UGGT2: variants seen among roughly 807,000 people sequenced by gnomAD.
UGGT2 encodes the protein UDP-glucose:glycoprotein glucosyltransferase 2.
In UGGT2, 180 loss-of-function variants were observed where a neutral mutation model predicts 192.1. The ratio of observed to expected loss-of-function variants is 0.94; its 90% CI spans 0.83 to 1.06. The LOEUF is 1.06. UGGT2 is among the 50% of genes least tolerant of loss of function. The pLI is 0.00. For synonymous variants in UGGT2, 580 were observed against 591.0 expected (o/e 0.98, Z 0.27); for missense variants, 1,849 against 1,795.7 (o/e 1.03, Z -0.54).
At chr13:95,935,485 A>C (rs914298284) in intron 17 of UGGT2, among the ~76,000 whole-genome samples, 1 of 152,192 alleles carries the variant, frequency 6.6e-6, no homozygotes, top group Non-Finnish European at 1.5e-5. Flanking sequence ...AGGAATGCTG[A>C]AAATAGACCA....
At chr13:96,053,092 A>C in intron 1 of UGGT2, 63 bp downstream of exon 1, 1 of 1,403,346 alleles carries the variant, frequency 7.1e-7, no homozygotes, top group Middle Eastern at 2.6e-4. Context: ...AGCACGAAGA[A>C]AGCGCGGCTG....
At chr13:95,963,196 A>G (rs1369168797) in intron 12 of UGGT2, among the ~76,000 whole-genome samples, 1 of 152,198 alleles carries the variant, frequency 6.6e-6, no homozygotes, top group Non-Finnish European at 1.5e-5. Context: ...TATCAAAAAT[A>G]TAATACACCA....
intron 16 of UGGT2, among the ~76,000 whole-genome samples, 200 bp downstream of exon 16, chr13:95,939,757 T>G (rs1407971969): frequency 6.6e-6 from 1 of 152,184 alleles, no homozygotes; most frequent in Admixed American, 6.5e-5. Context: ...TCTCTTGAAC[T>G]TATTTCTCTA....
At chr13:96,035,443 T>C (rs1034397757) in intron 1 of UGGT2, among the ~76,000 whole-genome samples, 5 of 152,150 alleles carry the variant, frequency 3.3e-5, no homozygotes, top group Admixed American at 6.5e-5. Flanking sequence ...ATGTAAAACC[T>C]AAAATTATAA....
At chr13:96,001,897 A>AT (rs2051818187) in intron 5 of UGGT2, among the ~76,000 whole-genome samples, 2 of 152,100 alleles carry the variant, frequency 1.3e-5, no homozygotes, top group Admixed American at 1.3e-4. Flanking sequence ...TGAAAAATAT[A>AT]TTTTCTCTTC....
At chr13:95,973,968 A>C (rs2050857745) in intron 10 of UGGT2, among the ~76,000 whole-genome samples, 1 of 152,234 alleles carries the variant, frequency 6.6e-6, no homozygotes, top group African/African-American at 2.4e-5. Context: ...GAGGAAAAAC[A>C]ACCAGTGTAT....
At chr13:95,904,944 C>A (rs1037651365) in intron 20 of UGGT2, among the ~76,000 whole-genome samples, 3 of 151,780 alleles carry the variant, frequency 2.0e-5, no homozygotes, top group Admixed American at 2.0e-4. Context: ...TCTCCACATC[C>A]TCTCCAGCAC....
chr13:95,928,735 C>T (rs2049133859), intron 17 of UGGT2, among the ~76,000 whole-genome samples: 1 of 151,974 alleles, frequency 6.6e-6, no homozygotes, highest in African/African-American at 2.4e-5. Context: ...AGAGGGGCTC[C>T]TCACATCCCA....
chr13:95,948,218 T>TAC (rs149949392), intron 13 of UGGT2, 137 bp from the exon 14 acceptor site: 25,372 of 317,026 alleles, frequency 0.08, 1,583 homozygotes, highest in African/African-American at 0.24. Context: ...TTCTAAGGAA[T>TAC]ACACACACAC....
At chr13:95,968,147 A>T (rs2050648739) in intron 12 of UGGT2, among the ~76,000 whole-genome samples, 1 of 152,132 alleles carries the variant, frequency 6.6e-6, no homozygotes, top group Non-Finnish European at 1.5e-5. Context: ...TTTCATCATT[A>T]AAAATGATGT....
At chr13:96,019,084 A>G (rs7990833) in intron 4 of UGGT2, among the ~76,000 whole-genome samples, 53,582 of 136,980 alleles carry the variant, frequency 0.39, 10,612 homozygotes, top group Middle Eastern at 0.45. Flanking sequence ...TGAAGTTCAC[A>G]AAAGGAAAAA....
intron 38 of UGGT2, among the ~76,000 whole-genome samples, chr13:95,830,572 C>T (rs1886551960): frequency 6.6e-6 from 1 of 152,158 alleles, no homozygotes; most frequent in African/African-American, 2.4e-5. Flanking sequence ...ATCAAAACCA[C>T]AATGAGATAC....
chr13:95,848,474 G>A (rs1888699510), intron 36 of UGGT2, among the ~76,000 whole-genome samples: 1 of 152,162 alleles, frequency 6.6e-6, no homozygotes, highest in Non-Finnish European at 1.5e-5. Flanking sequence ...TCTGAAGGGT[G>A]TAAGATCTGT....
intron 38 of UGGT2, among the ~76,000 whole-genome samples, chr13:95,824,297 C>T (rs1048845245): frequency 7.0e-6 from 1 of 142,384 alleles, no homozygotes; most frequent in African/African-American, 2.6e-5. Context: ...ATGAAATTTC[C>T]GAGGAGTTCT....
Position 96,053,144 on chromosome 13 carries a change from C to G in UGGT2, c.158+11G>C. On this transcript the variant is annotated intron_variant, in intron 1 of 38. Transcript: ENST00000376747. ...CACACCCGCCCGGACGAGGGCCCGG[C>G]CCGCACCCACCTTGCCTCCAGCAGC... 6.7e-7 allele frequency: 1 copy of G among 1,498,480 alleles called. No homozygotes were observed. Among genetic ancestry groups the G allele is most frequent in the Non-Finnish European group, 8.9e-7 (1 of 1,127,056 alleles). 92.8% of individuals were successfully genotyped at this position (1,498,480 alleles called of 1,614,324 possible).
At chr13:95,997,522 A>G (rs886899325) in intron 6 of UGGT2, among the ~76,000 whole-genome samples, 1 of 152,138 alleles carries the variant, frequency 6.6e-6, no homozygotes, top group Non-Finnish European at 1.5e-5. Context: ...AGGCGCGTGT[A>G]ATCCCAGCTA....
chr13:95,865,273 C>G (rs2140103693), intron 30 of UGGT2, among the ~76,000 whole-genome samples: 1 of 152,218 alleles, frequency 6.6e-6, no homozygotes, highest in African/African-American at 2.4e-5. Context: ...CTTATCTTTT[C>G]TCCTCCCTGT....
intron 38 of UGGT2, among the ~76,000 whole-genome samples, chr13:95,816,774 G>A (rs1884938251): frequency 6.6e-6 from 1 of 152,178 alleles, no homozygotes; most frequent in Admixed American, 6.5e-5. Flanking sequence ...ATGAGGTAAG[G>A]AAAATGTTCT....
chr13:96,038,196 C>T (rs2053061672), intron 1 of UGGT2, among the ~76,000 whole-genome samples: 1 of 152,106 alleles, frequency 6.6e-6, no homozygotes, highest in Non-Finnish European at 1.5e-5. Context: ...TAAAAAGTAC[C>T]TTTTGTTGAA....
Sources: allele counts gnomAD v4.1 joint callset (sites outside exome capture counted in the v4.1 genomes callset), GRCh38; gene constraint gnomAD v4.1.1; transcripts MANE v1.5; gene names NCBI Gene and HGNC (gene_info 2026-07-23, HGNC 2026-07-21).